Variants in LIPC observed in about 807,000 individuals in gnomAD.
LIPC encodes lipase C, hepatic type.
In LIPC, 44 loss-of-function variants were observed where a neutral mutation model predicts 50.7. The ratio of observed to expected loss-of-function variants is 0.87; its 90% CI spans 0.68 to 1.11. The LOEUF (loss-of-function observed/expected upper bound fraction) is 1.11. Ranked by LOEUF, LIPC falls within the 50% of genes most tolerant of loss-of-function variation. The probability of loss-of-function intolerance (pLI) is 0.00; values close to 1 mark genes in which losing one functional copy is unlikely to be tolerated. For missense variants in LIPC, 697 were observed against 648.2 expected, an observed-to-expected ratio of 1.08 and a Z score of -0.82; for synonymous variants, 271 against 256.4, an observed-to-expected ratio of 1.06 and a Z score of -0.54.
At chr15:58,532,868 G>T (rs1479704596) in intron 1 of LIPC, among the ~76,000 whole-genome samples, 1 of 152,102 alleles carries the variant, frequency 6.6e-6, no homozygotes, top group Non-Finnish European at 1.5e-5. Context: ...CTCAAACCTA[G>T]GAGTTAACTA....
chr15:58,551,972 G>A lies in LIPC; in HGVS notation c.1051+3400G>A, dbSNP rs190077902. Among the ~76,000 whole-genome samples, 222 of 152,340 alleles carry A rather than the reference G, an allele frequency of 1.5e-3. 2 individuals carry two copies. Among genetic ancestry groups the A allele is most frequent in the Non-Finnish European group, 5.6e-4 (38 of 68,040 alleles). The stretch of plus-strand genomic sequence containing the variant: ...GTACAGCAGTAGCAAGAGAGAATTG[G>A]GAAACAGTCGCCGAGTGAAACGAGG... On this transcript the variant is annotated intron_variant, in intron 6 of 8. Coordinates refer to ENST00000299022, the MANE Select transcript of LIPC (RefSeq NM_000236.3).
chr15:58,555,685 C>A (rs1893919541), intron 6 of LIPC, among the ~76,000 whole-genome samples: 1 of 152,194 alleles, frequency 6.6e-6, no homozygotes, highest in South Asian at 2.1e-4. Flanking sequence ...GGACTCCTTA[C>A]AACAGGGTGG....
intron 1 of LIPC, among the ~76,000 whole-genome samples, chr15:58,475,108 T>G (rs1469107653): frequency 2.0e-5 from 3 of 152,188 alleles, no homozygotes; most frequent in Admixed American, 2.0e-4. Flanking sequence ...TTCTCTCTCC[T>G]TCCCCCACCT....
At chr15:58,485,000 A>G (rs1891319164) in intron 1 of LIPC, among the ~76,000 whole-genome samples, 1 of 152,194 alleles carries the variant, frequency 6.6e-6, no homozygotes, top group Non-Finnish European at 1.5e-5. Context: ...ACAGCTCAAG[A>G]AGAGGCTAAA....
intron 1 of LIPC, among the ~76,000 whole-genome samples, chr15:58,478,626 A>G (rs1412837192): frequency 5.9e-5 from 9 of 152,204 alleles, no homozygotes; most frequent in African/African-American, 1.9e-4. Flanking sequence ...GGTAATTAGG[A>G]CTTAGGGAGG....
chr15:58,516,249 T>C, intron 1 of LIPC, among the ~76,000 whole-genome samples: 1 of 148,218 alleles, frequency 6.7e-6, no homozygotes, highest in Admixed American at 6.8e-5. Flanking sequence ...TTTTTTTTTT[T>C]TTTTTTTTTT....
chr15:58,554,957 C>T (rs551021320), intron 6 of LIPC, among the ~76,000 whole-genome samples: 11 of 152,300 alleles, frequency 7.2e-5, no homozygotes, highest in Non-Finnish European at 1.0e-4. Flanking sequence ...GTCCCCAGCC[C>T]GTTCCCTGGT....
rs547179104 is a variant in LIPC at position 58,464,842 on chromosome 15, G to A, written c.88+32722G>A. 3.9e-5 allele frequency among the ~76,000 whole-genome samples: 6 copies of A among 152,296 alleles called. No homozygotes were observed. In the East Asian group the frequency reaches 9.6e-4, roughly 24 times the overall value. On this transcript the variant is annotated intron_variant, in intron 1 of 8. Coordinates refer to ENST00000299022, the MANE Select transcript of LIPC (RefSeq NM_000236.3). ...ACAAAAGTTAGCTGGGTGTGGTGGTGTGCACCTGTAGTCCCAGCTACTCAG... is the reference window on the plus strand; with the variant it reads ...ACAAAAGTTAGCTGGGTGTGGTGGTATGCACCTGTAGTCCCAGCTACTCAG...
intron 1 of LIPC, chr15:58,497,709 A>C (rs1232660729): frequency 6.6e-6 from 1 of 152,204 alleles, no homozygotes; most frequent in African/African-American, 2.4e-5. Flanking sequence ...TATTCCCCAA[A>C]TGCATACCTG....
At chr15:58,467,875 A>AG (rs1894629439) in intron 1 of LIPC, among the ~76,000 whole-genome samples, 1 of 152,140 alleles carries the variant, frequency 6.6e-6, no homozygotes, top group South Asian at 2.1e-4. Context: ...TTTCCCACTG[A>AG]GGGTCAGGGA....
intron 1 of LIPC, among the ~76,000 whole-genome samples, chr15:58,453,050 G>A (rs1478908493): frequency 6.6e-6 from 1 of 152,110 alleles, no homozygotes; most frequent in Non-Finnish European, 1.5e-5. Context: ...CTGTCCTCCT[G>A]TACAAAGTCT....
intron 1 of LIPC, among the ~76,000 whole-genome samples, chr15:58,457,584 T>C (rs1288875002): frequency 6.6e-6 from 1 of 152,202 alleles, no homozygotes; most frequent in Non-Finnish European, 1.5e-5. Flanking sequence ...GCCCCACCCA[T>C]TGCTGAATGG....
chr15:58,469,763 T>G (rs1894717122), intron 1 of LIPC, among the ~76,000 whole-genome samples: 1 of 152,106 alleles, frequency 6.6e-6, no homozygotes, highest in South Asian at 2.1e-4. Context: ...CGTGGCCCAG[T>G]GGATTCCAGT....
At chr15:58,525,327 GCTTGA>G (rs1414811657) in intron 1 of LIPC, among the ~76,000 whole-genome samples, 1 of 152,222 alleles carries the variant, frequency 6.6e-6, no homozygotes, top group Non-Finnish European at 1.5e-5. Flanking sequence ...TGTATACACA[GCTTGA>G]ATTACTGAAT....
At chr15:58,509,439 T>C (rs746506330) in intron 1 of LIPC, among the ~76,000 whole-genome samples, 2 of 152,228 alleles carry the variant, frequency 1.3e-5, no homozygotes, top group African/African-American at 2.4e-5. Flanking sequence ...CAGGTTACTC[T>C]CTCTGAGTCT....
At chr15:58,478,622 T>G (rs1434557293) in intron 1 of LIPC, among the ~76,000 whole-genome samples, 1 of 152,176 alleles carries the variant, frequency 6.6e-6, no homozygotes, top group African/African-American at 2.4e-5. Context: ...AGGAGGTAAT[T>G]AGGACTTAGG....
At chr15:58,494,728 T>C (rs1207868243) in intron 1 of LIPC, 17 of 454,332 alleles carry the variant, frequency 3.7e-5, no homozygotes, top group African/African-American at 8.0e-5. Flanking sequence ...TTGGGTGGGA[T>C]CTCTTTAATG....
At chr15:58,563,946 C>T in intron 8 of LIPC, 1 of 567,080 alleles carries the variant, frequency 1.8e-6, no homozygotes, top group Non-Finnish European at 3.3e-6. Flanking sequence ...ACCAGGGTCT[C>T]CCCACTGCCC....
At chr15:58,564,685 G>A (rs371956266) in intron 8 of LIPC, among the ~76,000 whole-genome samples, 2 of 151,976 alleles carry the variant, frequency 1.3e-5, no homozygotes, top group South Asian at 2.1e-4. Flanking sequence ...CGAGATCGCG[G>A]CATTGCACTC....
Sources: gnomAD v4.1 joint callset for allele counts (sites outside exome capture counted in the v4.1 genomes callset) on GRCh38, gnomAD v4.1.1 for gene constraint, MANE v1.5 for transcripts, NCBI Gene and HGNC (gene_info 2026-07-23, HGNC 2026-07-21) for gene names.